Variants in PTPRR observed in about 807,000 individuals in gnomAD.
PTPRR encodes protein tyrosine phosphatase receptor type R.
Under a neutral mutation model 77.2 loss-of-function variants are expected in PTPRR, and 38 were observed. The ratio of observed to expected loss-of-function variants is 0.49; its 90% CI spans 0.38 to 0.65. The LOEUF (loss-of-function observed/expected upper bound fraction) is 0.65, where lower values mean the gene tolerates loss of function less well. Ranked by LOEUF, PTPRR falls within the 30% of genes least tolerant of loss-of-function variation. The probability of loss-of-function intolerance (pLI) is 0.00; values close to 1 mark genes in which losing one functional copy is unlikely to be tolerated. For synonymous variants in PTPRR, 299 were observed against 283.1 expected (o/e 1.06, Z -0.57); for missense variants, 744 against 799.2 (o/e 0.93, Z 0.83).
chr12:70,754,167 A>G (rs1286608833), intron 5 of PTPRR, 24 bp downstream of exon 5: 1 of 1,607,576 alleles, frequency 6.2e-7, no homozygotes, highest in East Asian at 2.2e-5. Flanking sequence ...GCAAAGGATA[A>G]AATATACAAA....
intron 5 of PTPRR, among the ~76,000 whole-genome samples, chr12:70,751,957 A>G (rs1251729835): frequency 6.6e-6 from 1 of 152,186 alleles, no homozygotes; most frequent in Non-Finnish European, 1.5e-5. Flanking sequence ...AGAAAATAGA[A>G]TAGTTTCACT....
At chr12:70,683,834 G>A (rs1366721695) in intron 10 of PTPRR, among the ~76,000 whole-genome samples, 1 of 152,168 alleles carries the variant, frequency 6.6e-6, no homozygotes, top group Non-Finnish European at 1.5e-5. Context: ...GGGTGTGAAT[G>A]AATAAGGTTT....
intron 6 of PTPRR, among the ~76,000 whole-genome samples, chr12:70,728,783 T>G (rs1408801866): frequency 6.6e-6 from 1 of 151,996 alleles, no homozygotes; most frequent in Non-Finnish European, 1.5e-5. Flanking sequence ...TCTCCATTCC[T>G]TGTCCACACA....
At chr12:70,908,611 G>C (rs1274329430) in intron 1 of PTPRR, among the ~76,000 whole-genome samples, 2 of 152,144 alleles carry the variant, frequency 1.3e-5, no homozygotes, top group Non-Finnish European at 2.9e-5. Flanking sequence ...CACAACAGGT[G>C]GGGATTATGA....
At position 70,662,416 on chromosome 12, in the gene PTPRR, T is replaced by C. The variant is rs529431010; in HGVS notation, c.1608+79A>G. The C allele has an allele frequency of 1.4e-5, 10 of 730,554 alleles. No individual in the cohort carries two copies. In the East Asian group the frequency reaches 1.9e-4, roughly 14 times the overall value. 45.3% of individuals were successfully genotyped at this position (730,554 alleles called of 1,614,324 possible). Reference sequence around the variant, plus strand: ...TAATTTGCTTAAATTGCATTTGTAGTACTTAAATAATTTCAAAGTAGAAAT... The same window carrying C: ...TAATTTGCTTAAATTGCATTTGTAGCACTTAAATAATTTCAAAGTAGAAAT... On this transcript the variant is annotated intron_variant, in intron 11 of 13. Transcript: ENST00000283228.
At chr12:70,647,572 G>A (rs1030118040) in intron 13 of PTPRR, among the ~76,000 whole-genome samples, 2 of 152,220 alleles carry the variant, frequency 1.3e-5, no homozygotes, top group Non-Finnish European at 2.9e-5. Flanking sequence ...TTTTTAGCAA[G>A]AGCTACATGC....
At chr12:70,758,512 T>G (rs1440701886) in intron 4 of PTPRR, among the ~76,000 whole-genome samples, 1 of 152,138 alleles carries the variant, frequency 6.6e-6, no homozygotes, top group East Asian at 1.9e-4. Context: ...TCTAAAAGCT[T>G]ATGGGAAGCA....
chr12:70,668,639 TCAAA>T (rs1887101687), intron 10 of PTPRR, among the ~76,000 whole-genome samples: 1 of 152,176 alleles, frequency 6.6e-6, no homozygotes, highest in African/African-American at 2.4e-5. Context: ...TATTTTCTCC[TCAAA>T]CATATAGTTT....
At chr12:70,849,913 A>G (rs1441180052) in intron 2 of PTPRR, among the ~76,000 whole-genome samples, 2 of 152,190 alleles carry the variant, frequency 1.3e-5, no homozygotes, top group Non-Finnish European at 2.9e-5. Flanking sequence ...GGAATGACAA[A>G]CAAAAACCAA....
intron 2 of PTPRR, among the ~76,000 whole-genome samples, chr12:70,890,490 A>G (rs1439036506): frequency 6.6e-6 from 1 of 152,146 alleles, no homozygotes; most frequent in Admixed American, 6.6e-5. Flanking sequence ...TGATAGTTGA[A>G]ACAAGAAAGA....
At position 70,705,241 on chromosome 12, in the gene PTPRR, G is replaced by T. The variant is rs574191010; in HGVS notation, c.1008-3918C>A. On this transcript the variant is annotated intron_variant, in intron 6 of 13. Coordinates refer to ENST00000283228, the MANE Select transcript of PTPRR (RefSeq NM_002849.4). ...TGACATCAGTTTCTAATGACTTAGA[G>T]GTGGGAAGAAAACGTAGCTAAAAAT... Among the ~76,000 whole-genome samples the T allele has an allele frequency of 2.1e-4, 32 of 152,242 alleles. No homozygotes were observed. The South Asian group carries it at 6.2e-3, about 30-fold the overall frequency.
chr12:70,643,829 T>TGG (rs1886099029), intron 13 of PTPRR, among the ~76,000 whole-genome samples: 1 of 151,902 alleles, frequency 6.6e-6, no homozygotes, highest in Non-Finnish European at 1.5e-5. Context: ...GGCTGGATCG[T>TGG]GGCTCACTGC....
intron 2 of PTPRR, among the ~76,000 whole-genome samples, chr12:70,770,773 G>A (rs946832372): frequency 7.2e-5 from 11 of 152,078 alleles, no homozygotes; most frequent in Middle Eastern, 3.2e-3. Flanking sequence ...AACAATGATA[G>A]ACTGGATTAA....
chr12:70,857,598 G>A (rs1020487378), intron 2 of PTPRR, among the ~76,000 whole-genome samples: 8 of 152,126 alleles, frequency 5.3e-5, no homozygotes, highest in African/African-American at 1.9e-4. Context: ...GTGAATGTTG[G>A]CAGTGATGGT....
At chr12:70,651,101 G>T (rs76298646) in intron 13 of PTPRR, among the ~76,000 whole-genome samples, 4,831 of 152,214 alleles carry the variant, frequency 0.032, 100 homozygotes, top group Non-Finnish European at 0.046. Flanking sequence ...TCTTAGTGCC[G>T]CTTGCTTTCC....
intron 2 of PTPRR, among the ~76,000 whole-genome samples, chr12:70,791,137 T>C (rs1237711389): frequency 2.0e-5 from 3 of 152,186 alleles, no homozygotes; most frequent in African/African-American, 7.2e-5. Flanking sequence ...GTCAGTACTT[T>C]TTAAAAAACC....
At position 70,762,527 on chromosome 12, in the gene PTPRR, G is replaced by A. The variant is rs978755445; in HGVS notation, c.472-901C>T. 2.6e-5 allele frequency among the ~76,000 whole-genome samples: 4 copies of A among 152,098 alleles called. No homozygotes were observed. In the East Asian group the frequency reaches 7.7e-4, roughly 29 times the overall value. On this transcript the variant is annotated intron_variant, in intron 3 of 13. Transcript: ENST00000283228. Reference sequence around the variant, plus strand: ...AGCCAGTAAAAGTTTTTTCATGTTTGCAGAGAACAACAGACAATAACTAAA... The same window carrying A: ...AGCCAGTAAAAGTTTTTTCATGTTTACAGAGAACAACAGACAATAACTAAA...
At chr12:70,775,668 G>A (rs995505718) in intron 2 of PTPRR, among the ~76,000 whole-genome samples, 1 of 152,064 alleles carries the variant, frequency 6.6e-6, no homozygotes, top group Non-Finnish European at 1.5e-5. Flanking sequence ...ATGCCTCAAG[G>A]CTCCTTAGAG....
chr12:70,892,575 G>A (rs1893356115), intron 2 of PTPRR, 104 bp downstream of exon 2: 3 of 1,317,192 alleles, frequency 2.3e-6, no homozygotes, highest in Middle Eastern at 1.9e-4. Context: ...ATACCCGTTG[G>A]GATTCATTGA....
Sources: allele counts gnomAD v4.1 joint callset (sites outside exome capture counted in the v4.1 genomes callset), GRCh38; gene constraint gnomAD v4.1.1; transcripts MANE v1.5; gene names NCBI Gene and HGNC (gene_info 2026-07-23, HGNC 2026-07-21).